Variants in ITIH5 observed in about 807,000 individuals in gnomAD.
ITIH5 encodes the protein inter-alpha-trypsin inhibitor heavy chain H5.
Under a neutral mutation model 77.5 loss-of-function variants are expected in ITIH5, and 65 were observed. That is an observed-to-expected ratio of 0.84 (90% confidence interval 0.69 to 1.03). The LOEUF is 1.03. Among genes scored for constraint, ITIH5 ranks in the 50% least tolerant of loss-of-function variants. ITIH5 has a pLI of 0.00. For missense variants in ITIH5, 1,208 were observed against 1,213.1 expected, an observed-to-expected ratio of 1.00 and a Z score of 0.06; for synonymous variants, 525 against 494.3, an observed-to-expected ratio of 1.06 and a Z score of -0.82.
rs1452247995 is a variant in ITIH5, at chr10:7,666,902, A to T, written c.-10T>A. On this transcript the variant is annotated 5_prime_UTR_variant, in exon 1 of 14. Transcript: ENST00000397146. ...CCAGCAGCAGGAGCATGGCGGGGCG[A>T]GGGCGCGGGACGCTCGGGGACCCGG... 1 of 1,584,094 alleles carries T rather than the reference A, an allele frequency of 6.3e-7. No individual in the cohort carries two copies. Among genetic ancestry groups the T allele is most frequent in the East Asian group, 2.4e-5 (1 of 41,752 alleles).
At chr10:7,649,233 CCTT>C (rs1402433475) in intron 2 of ITIH5, among the ~76,000 whole-genome samples, 2 of 151,830 alleles carry the variant, frequency 1.3e-5, no homozygotes, top group Non-Finnish European at 2.9e-5. Context: ...CTTTCTTCTT[CCTT>C]CTTTCTTCTT....
chr10:7,650,992 T>G (rs1834091131), intron 2 of ITIH5, among the ~76,000 whole-genome samples: 1 of 114,028 alleles, frequency 8.8e-6, no homozygotes, highest in Non-Finnish European at 1.7e-5. Flanking sequence ...CGCCCCATTC[T>G]ATACACTTCC....
At chr10:7,656,063 A>T (rs1398170872) in intron 1 of ITIH5, among the ~76,000 whole-genome samples, 1 of 152,194 alleles carries the variant, frequency 6.6e-6, no homozygotes, top group Admixed American at 6.5e-5. Context: ...AAGTAAAGGT[A>T]TTCAGTCTTA....
intron 5 of ITIH5, among the ~76,000 whole-genome samples, chr10:7,634,015 GAAGGCGGAGCTTGCAGT>G (rs1833755836): frequency 6.7e-6 from 1 of 149,726 alleles, no homozygotes; most frequent in Non-Finnish European, 1.5e-5. Flanking sequence ...CTTGAATCCG[GAAGGCGGAGCTTGCAGT>G]GAGCCGAGAT....
chr10:7,567,934 C>T (rs1203042994), intron 12 of ITIH5, among the ~76,000 whole-genome samples: 3 of 152,142 alleles, frequency 2.0e-5, no homozygotes, highest in Non-Finnish European at 4.4e-5. Flanking sequence ...AGATGGAAAA[C>T]CTAACAGAAT....
Position 7,637,319 on chromosome 10 carries a change from C to T in ITIH5, c.561G>A (p.Val187=), listed in dbSNP as rs1419118048. The T allele has an allele frequency of 6.2e-7, 1 of 1,613,956 alleles. No homozygotes were observed. Among genetic ancestry groups the T allele is most frequent in the South Asian group, 1.1e-5 (1 of 91,080 alleles). Residue 187 remains valine (V), a synonymous_variant, in exon 5 of 14, where the codon GTG becomes GTA. Coordinates refer to ENST00000397146, the MANE Select transcript of ITIH5 (RefSeq NM_030569.7). ...RPQQLSGRLS[V]DVNILESAGI... is the part of the protein sequence containing the mutation. ...CCGCGCTCTCCAGGATATTCACGTC[C>T]ACGCTCAGCCTCCCGGACAGCTGCT... is the stretch of plus-strand genomic sequence containing the variant.
At chr10:7,620,668 T>C (rs1833460372) in intron 5 of ITIH5, 1 of 114,592 alleles carries the variant, frequency 8.7e-6, no homozygotes, top group Admixed American at 8.6e-5. Context: ...AACATAACAA[T>C]GTTATTTGCC....
At chr10:7,610,800 A>C (rs190745487) in intron 7 of ITIH5, among the ~76,000 whole-genome samples, 156 of 152,306 alleles carry the variant, frequency 1.0e-3, no homozygotes, top group African/African-American at 3.5e-3. Context: ...AATTGCTCAG[A>C]CATGTGTTTG....
chr10:7,582,767 T>C lies in ITIH5; in HGVS notation c.1109-2703A>G, dbSNP rs187830118. 3.1e-3 allele frequency among the ~76,000 whole-genome samples: 472 copies of C among 152,272 alleles called. 2 individuals are homozygous for C. The highest frequency in any genetic ancestry group is 5.5e-3 in the Non-Finnish European group (371 of 68,026). The stretch of plus-strand genomic sequence containing the variant: ...GACCATCTTCCCATGTTCTCGCTTA[T>C]TTGTGGCAGCTAAAAATTAAAACGA... On this transcript the variant is annotated intron_variant, in intron 8 of 13. Transcript: ENST00000397146.
At chr10:7,655,781 C>A (rs1315774584) in intron 1 of ITIH5, 106 bp from the exon 2 acceptor site, 2 of 865,912 alleles carry the variant, frequency 2.3e-6, no homozygotes, top group Non-Finnish European at 3.7e-6. Context: ...GGGTTAAAAT[C>A]TATTCAGATT....
At chr10:7,572,043 G>C (rs1313695949) in intron 11 of ITIH5, 1 of 1,011,042 alleles carries the variant, frequency 9.9e-7, no homozygotes, top group African/African-American at 1.7e-5. Flanking sequence ...CTCCAAAAAA[G>C]AGGGGAGGGT....
intron 7 of ITIH5, among the ~76,000 whole-genome samples, chr10:7,605,154 A>G (rs1215027128): frequency 6.6e-6 from 1 of 151,912 alleles, no homozygotes; most frequent in East Asian, 1.9e-4. Flanking sequence ...AAAATTCTAA[A>G]GTTCTCGGTG....
At chr10:7,643,964 G>A (rs1176975768) in intron 2 of ITIH5, among the ~76,000 whole-genome samples, 1 of 152,158 alleles carries the variant, frequency 6.6e-6, no homozygotes, top group Non-Finnish European at 1.5e-5. Context: ...GCACCGGCTG[G>A]GCGCGGTGGC....
intron 6 of ITIH5, among the ~76,000 whole-genome samples, chr10:7,616,611 T>C (rs1255932860): frequency 6.6e-6 from 1 of 152,146 alleles, no homozygotes; most frequent in Non-Finnish European, 1.5e-5. Context: ...TCAGATCACC[T>C]GAGGTCAGGA....
At chr10:7,654,836 G>T (rs1834154474) in intron 2 of ITIH5, among the ~76,000 whole-genome samples, 1 of 152,032 alleles carries the variant, frequency 6.6e-6, no homozygotes, top group Non-Finnish European at 1.5e-5. Flanking sequence ...ATATGTCATT[G>T]TCTAGGATTA....
intron 7 of ITIH5, among the ~76,000 whole-genome samples, chr10:7,603,195 A>G (rs1833050784): frequency 1.3e-5 from 2 of 152,218 alleles, no homozygotes; most frequent in South Asian, 4.1e-4. Context: ...TATCCATCTA[A>G]TGAAATACTA....
In ITIH5 at chr10:7,641,821, A is replaced by G. The variant is rs996267123; in HGVS notation, c.299+106T>C. ...TGACCTTCTGATCTATATACCATCT[A>G]CTGGAATATAAATCCTCACAGTCAC... On this transcript the variant is annotated intron_variant, in intron 3 of 13. Coordinates refer to ENST00000397146, the MANE Select transcript of ITIH5 (RefSeq NM_030569.7). The G allele has an allele frequency of 2.3e-5, 19 of 841,620 alleles. No homozygotes were observed. In the African/African-American group the frequency reaches 3.2e-4, roughly 14 times the overall value. 52.1% of individuals were successfully genotyped at this position (841,620 alleles called of 1,614,324 possible).
chr10:7,618,234 TC>T (rs1220835363), intron 5 of ITIH5: 4 of 151,802 alleles, frequency 2.6e-5, no homozygotes, highest in African/African-American at 9.7e-5. Context: ...CTCCCAAAGT[TC>T]TAGGAGTACA....
chr10:7,583,189 G>A (rs750265392), intron 8 of ITIH5, among the ~76,000 whole-genome samples: 13 of 152,132 alleles, frequency 8.5e-5, no homozygotes, highest in African/African-American at 2.2e-4. Flanking sequence ...TCTCCCCCAC[G>A]GCTTAACATC....
Sources: gnomAD v4.1 joint callset for allele counts (sites outside exome capture counted in the v4.1 genomes callset) on GRCh38, gnomAD v4.1.1 for gene constraint, MANE v1.5 for transcripts, NCBI Gene and HGNC (gene_info 2026-07-23, HGNC 2026-07-21) for gene names.